KCNIP4: variants seen among roughly 807,000 people sequenced by gnomAD.
The protein encoded by KCNIP4 is Kv channel-interacting protein 4.
KCNIP4 carries 12 observed loss-of-function variants against 34.0 expected under a neutral mutation model. The ratio of observed to expected loss-of-function variants is 0.35; its 90% CI spans 0.23 to 0.57. The LOEUF (loss-of-function observed/expected upper bound fraction) is 0.57. Ranked by LOEUF, KCNIP4 falls within the 20% of genes least tolerant of loss-of-function variation. KCNIP4 has a pLI of 0.83. For missense variants in KCNIP4, 238 were observed against 311.7 expected, an observed-to-expected ratio of 0.76 and a Z score of 1.78; for synonymous variants, 124 against 102.2, an observed-to-expected ratio of 1.21 and a Z score of -1.29.
chr4:20,900,718 T>C (rs987322330), intron 1 of KCNIP4, among the ~76,000 whole-genome samples: 5 of 151,984 alleles, frequency 3.3e-5, no homozygotes, highest in African/African-American at 1.2e-4. Context: ...TTACTGAGAG[T>C]TGGGGAAAGT....
chr4:21,245,754 G>A (rs541661962), intron 1 of KCNIP4, among the ~76,000 whole-genome samples: 5 of 152,174 alleles, frequency 3.3e-5, no homozygotes, highest in African/African-American at 1.2e-4. Flanking sequence ...CCAGGTGACC[G>A]TGCAAATCCT....
At chr4:21,371,798 T>C (rs898215356) in intron 1 of KCNIP4, among the ~76,000 whole-genome samples, 2 of 147,122 alleles carry the variant, frequency 1.4e-5, no homozygotes, top group Non-Finnish European at 2.9e-5. Flanking sequence ...ATCTCTAATA[T>C]TCAAATTCAT....
At chr4:20,935,285 A>G (rs996604010) in intron 1 of KCNIP4, among the ~76,000 whole-genome samples, 9 of 152,320 alleles carry the variant, frequency 5.9e-5, no homozygotes, top group African/African-American at 1.9e-4. Context: ...TCAGTGGGGT[A>G]TCTCTAACCA....
intron 1 of KCNIP4, among the ~76,000 whole-genome samples, chr4:21,495,053 T>C (rs777995814): frequency 2.3e-4 from 35 of 152,140 alleles, no homozygotes; most frequent in Non-Finnish European, 4.7e-4. Context: ...TCAATCTATA[T>C]ATTTTTAAAA....
intron 1 of KCNIP4, among the ~76,000 whole-genome samples, chr4:21,271,657 C>T (rs549146216): frequency 6.6e-6 from 1 of 152,138 alleles, no homozygotes; most frequent in African/African-American, 2.4e-5. Flanking sequence ...TTCATAATCA[C>T]CCCCAGGTGC....
In KCNIP4 at chr4:21,526,493, T is replaced by G. The variant is rs146810283; in HGVS notation, c.61+422078A>C. ...CAGACTAATATAGCATTTAATAATA[T>G]TCTCATCTGTATGTAACAAAATTGA... is the stretch of plus-strand genomic sequence containing the variant. On this transcript the variant is annotated intron_variant, in intron 1 of 8. Coordinates refer to ENST00000382152, the MANE Select transcript of KCNIP4 (RefSeq NM_025221.6). Among the ~76,000 whole-genome samples, 1,060 of 152,232 alleles carry G rather than the reference T, an allele frequency of 7.0e-3. 8 individuals are homozygous for G. Among genetic ancestry groups the G allele is most frequent in the African/African-American group, 0.024 (1,002 of 41,540 alleles).
intron 1 of KCNIP4, among the ~76,000 whole-genome samples, chr4:21,370,698 C>G (rs1720260354): frequency 7.3e-6 from 1 of 137,082 alleles, no homozygotes; most frequent in Non-Finnish European, 1.5e-5. Flanking sequence ...TTTGGGATAT[C>G]TAGCAGAAAA....
intron 1 of KCNIP4, among the ~76,000 whole-genome samples, chr4:20,939,419 G>A (rs1731408707): frequency 6.6e-6 from 1 of 151,882 alleles, no homozygotes; most frequent in Admixed American, 6.6e-5. Context: ...CTATCGCCAG[G>A]CTGGAGTGCA....
At chr4:21,158,649 T>C (rs748180960) in intron 1 of KCNIP4, among the ~76,000 whole-genome samples, 5 of 152,200 alleles carry the variant, frequency 3.3e-5, no homozygotes, top group Non-Finnish European at 7.4e-5. Flanking sequence ...CTCAGTGTGA[T>C]AAAAAGCATC....
intron 3 of KCNIP4, among the ~76,000 whole-genome samples, chr4:20,837,003 T>G (rs182368296): frequency 2.6e-5 from 4 of 152,214 alleles, no homozygotes; most frequent in Non-Finnish European, 5.9e-5. Context: ...TCAATATATA[T>G]CCAATACTAG....
chr4:21,561,549 T>A (rs1739484510), intron 1 of KCNIP4, among the ~76,000 whole-genome samples: 1 of 151,976 alleles, frequency 6.6e-6, no homozygotes, highest in Non-Finnish European at 1.5e-5. Flanking sequence ...ACTTGTCTTT[T>A]TACTTGTGGC....
In KCNIP4 at chr4:20,732,852, G is replaced by C. The variant is rs935283148; in HGVS notation, c.538-67C>G. The C allele has an allele frequency of 8.3e-6, 8 of 963,954 alleles. No individual in the cohort carries two copies. The African/African-American group carries it at 1.3e-4, about 16-fold the overall frequency. 59.7% of individuals were successfully genotyped at this position (963,954 alleles called of 1,614,324 possible). ...TGAAGAAACCAGTCTAAGAAGCTCTGACAGATTTTTCCTACTCAATTTTAA... is the reference window on the plus strand; with the variant it reads ...TGAAGAAACCAGTCTAAGAAGCTCTCACAGATTTTTCCTACTCAATTTTAA... On this transcript the variant is annotated intron_variant, in intron 6 of 8. Transcript: ENST00000382152.
intron 1 of KCNIP4, among the ~76,000 whole-genome samples, chr4:21,687,316 TAA>T (rs71191535): frequency 5.0e-4 from 60 of 121,108 alleles, no homozygotes; most frequent in South Asian, 7.6e-4. Context: ...ACTTAAAGTA[TAA>T]AAAAAAAAAA....
intron 1 of KCNIP4, among the ~76,000 whole-genome samples, chr4:21,569,449 T>C (rs1478521539): frequency 6.6e-6 from 1 of 151,950 alleles, no homozygotes; most frequent in Non-Finnish European, 1.5e-5. Context: ...TAGTAGAATA[T>C]TATGAATTTG....
At chr4:21,208,210 T>C (rs1000420472) in intron 1 of KCNIP4, among the ~76,000 whole-genome samples, 9 of 152,206 alleles carry the variant, frequency 5.9e-5, no homozygotes, top group Non-Finnish European at 1.0e-4. Flanking sequence ...GCATTATCCT[T>C]TATTTATGCT....
chr4:20,937,946 T>C (rs75961112), intron 1 of KCNIP4, among the ~76,000 whole-genome samples: 1,670 of 152,334 alleles, frequency 0.011, 22 homozygotes, highest in African/African-American at 0.037. Context: ...AATTCTATTT[T>C]TTCCCTTGAA....
intron 1 of KCNIP4, among the ~76,000 whole-genome samples, chr4:21,496,878 C>G (rs988047286): frequency 6.6e-6 from 1 of 152,120 alleles, no homozygotes; most frequent in Admixed American, 6.5e-5. Context: ...AGTTTCATCC[C>G]CAAACCATCC....
At chr4:20,837,983 C>A (rs928324711) in intron 3 of KCNIP4, among the ~76,000 whole-genome samples, 1 of 151,888 alleles carries the variant, frequency 6.6e-6, no homozygotes, top group Non-Finnish European at 1.5e-5. Flanking sequence ...AGACACCACG[C>A]CCGGCCTCAG....
intron 1 of KCNIP4, among the ~76,000 whole-genome samples, chr4:21,200,893 C>T (rs1191358759): frequency 6.6e-6 from 1 of 151,996 alleles, no homozygotes; most frequent in Non-Finnish European, 1.5e-5. Flanking sequence ...ATCAAATAGG[C>T]AGAAATGCTG....
Sources: allele counts gnomAD v4.1 joint callset (sites outside exome capture counted in the v4.1 genomes callset), GRCh38; gene constraint gnomAD v4.1.1; transcripts MANE v1.5; gene names NCBI Gene and HGNC (gene_info 2026-07-23, HGNC 2026-07-21).